Variants in FXYD4 observed in about 807,000 individuals in gnomAD.
FXYD4 encodes FXYD domain-containing ion transport regulator 4.
FXYD4 carries 14 observed loss-of-function variants against 18.3 expected under a neutral mutation model. The observed-to-expected ratio is 0.77, with a 90% CI of 0.51 to 1.20. The LOEUF is 1.20. Among genes scored for constraint, FXYD4 ranks in the 50% most tolerant of loss-of-function variants. FXYD4 has a pLI of 0.00. For synonymous variants in FXYD4, 40 were observed against 40.5 expected, an observed-to-expected ratio of 0.99 and a Z score of 0.04; for missense variants, 99 against 106.1, an observed-to-expected ratio of 0.93 and a Z score of 0.29.
intron 5 of FXYD4, among the ~76,000 whole-genome samples, chr10:43,374,858 C>G (rs1014242364): frequency 6.6e-6 from 1 of 151,602 alleles, no homozygotes; most frequent in African/African-American, 2.4e-5. Flanking sequence ...TTAGGCACCC[C>G]GATAAATCAC....
rs763496194 is a variant in FXYD4, at chr10:43,375,716, G to A, written c.194G>A (p.Ser65Asn). Residue 65 changes from serine to asparagine, a missense_variant, in exon 7 of 9, where the codon AGC becomes AAC. Coordinates refer to ENST00000476166, the MANE Select transcript of FXYD4 (RefSeq NM_173160.3). ...CCAGGTGGCAAATGCAAATGCAAGA[G>A]CAGCCAGAAGCAGCACAGGTGAGCC... is the stretch of plus-strand genomic sequence containing the variant. ...AVLSGKCKCK[S>N]SQKQHSPVPE... is the part of the protein sequence containing the mutation. The A allele has an allele frequency of 3.3e-5, 54 of 1,614,054 alleles. No individual in the cohort carries two copies. The highest frequency in any genetic ancestry group is 4.4e-5 in the Non-Finnish European group (52 of 1,180,004).
chr10:43,376,234 G>T lies in FXYD4; in HGVS notation c.*68G>T. On this transcript the variant is annotated 3_prime_UTR_variant, in exon 9 of 9. Coordinates refer to ENST00000476166, the MANE Select transcript of FXYD4 (RefSeq NM_173160.3). ...GCCCCCAGCACCTCCTCCCCTGGGA[G>T]GCCTTATCCTCAAGGAAGGACTTCT... 1.9e-6 allele frequency: 3 copies of T among 1,562,356 alleles called. No homozygotes were observed. The highest frequency in any genetic ancestry group is 2.2e-5 in the South Asian group (2 of 89,950).
At chr10:43,375,152 G>A (rs1280634633) in intron 5 of FXYD4, among the ~76,000 whole-genome samples, 2 of 150,040 alleles carry the variant, frequency 1.3e-5, no homozygotes, top group Non-Finnish European at 3.0e-5. Context: ...TCAGCCTCTC[G>A]AGTAGCTGGG....
intron 5 of FXYD4, among the ~76,000 whole-genome samples, 190 bp from the exon 6 acceptor site, chr10:43,375,309 G>C (rs1347651141): frequency 6.6e-6 from 1 of 152,018 alleles, no homozygotes; most frequent in East Asian, 1.9e-4. Context: ...TTACAGATGT[G>C]AGCCACCGCA....
In FXYD4 at chr10:43,375,634, G is replaced by C. The variant is rs1837861549; in HGVS notation, c.172+61G>C. The C allele has an allele frequency of 6.8e-6, 11 of 1,609,486 alleles. No individual in the cohort carries two copies. In the East Asian group the frequency reaches 2.5e-4, roughly 36 times the overall value. Reference sequence around the variant, plus strand: ...TGGGGCTGGCGGACAGGGTGGGGCAGAAAGAGAGAGTGCTCTCATTCCAGC... The same window carrying C: ...TGGGGCTGGCGGACAGGGTGGGGCACAAAGAGAGAGTGCTCTCATTCCAGC... On this transcript the variant is annotated intron_variant, in intron 6 of 8. Transcript: ENST00000476166.
chr10:43,375,365 G>A (rs1217016452), intron 5 of FXYD4, 134 bp from the exon 6 acceptor site: 1 of 688,806 alleles, frequency 1.5e-6, no homozygotes, highest in Admixed American at 2.4e-5. Context: ...ACGAGACGCA[G>A]AATGATGCCT....
chr10:43,375,949 G>T, intron 7 of FXYD4, 83 bp from the exon 8 acceptor site: 1 of 1,459,410 alleles, frequency 6.9e-7, no homozygotes, highest in Non-Finnish European at 9.6e-7. Context: ...GCACTCCTGG[G>T]GCCGGGCAGC....
In FXYD4 at chr10:43,376,239, T is replaced by C; in HGVS notation, c.*73T>C. 1.3e-6 allele frequency: 2 copies of C among 1,536,150 alleles called. No individual in the cohort carries two copies. The highest frequency in any genetic ancestry group is 9.0e-7 in the Non-Finnish European group (1 of 1,111,986). On this transcript the variant is annotated 3_prime_UTR_variant, in exon 9 of 9. Transcript: ENST00000476166. ...CAGCACCTCCTCCCCTGGGAGGCCT[T>C]ATCCTCAAGGAAGGACTTCTCTCCA...
rs1461693292 is a variant in FXYD4, at chr10:43,373,668, G to A, written c.-79G>A. 2 of 852,174 alleles carry A rather than the reference G, an allele frequency of 2.3e-6. No individual in the cohort carries two copies. Among genetic ancestry groups the A allele is most frequent in the South Asian group, 2.6e-5 (2 of 76,028 alleles). The allele number at this position is 852,174 out of a possible 1,614,324, so 52.8% of individuals were successfully genotyped here. On this transcript the variant is annotated 5_prime_UTR_variant, in exon 3 of 9. Transcript: ENST00000476166. ...TCCTCTCGCTGACCAATTGAGCTGT[G>A]AGCCTGGAGCAGATCCGTGGGCTGC...
In FXYD4 at chr10:43,376,143, G is replaced by A. The variant is rs746400372; in HGVS notation, c.251-4G>A. 9 of 1,613,904 alleles carry A rather than the reference G, an allele frequency of 5.6e-6. No homozygotes were observed. Among genetic ancestry groups the A allele is most frequent in the Middle Eastern group, 1.7e-4 (1 of 5,954 alleles). ...TCTGATGGCCTGCCCGCCACTCTCC[G>A]CAGGCTCTGCCACTACTTGCTGAGC... is the stretch of plus-strand genomic sequence containing the variant. On this transcript the variant is annotated splice_polypyrimidine_tract_variant and splice_region_variant and intron_variant, in intron 8 of 8. Coordinates refer to ENST00000476166, the MANE Select transcript of FXYD4 (RefSeq NM_173160.3).
chr10:43,373,082 A>T (rs1272854035), intron 2 of FXYD4, among the ~76,000 whole-genome samples: 1 of 151,940 alleles, frequency 6.6e-6, no homozygotes, highest in Non-Finnish European at 1.5e-5. Flanking sequence ...CTGGCAGGGG[A>T]GGTCCTGGCT....
chr10:43,375,767 G>A lies in FXYD4; in HGVS notation c.212+33G>A, dbSNP rs777048760. ...TGACCCTATGGTGCCCTCCTCCTTC[G>A]GGGCAGAACTACGGGGGGACAGTCC... On this transcript the variant is annotated intron_variant, in intron 7 of 8. Coordinates refer to ENST00000476166, the MANE Select transcript of FXYD4 (RefSeq NM_173160.3). The A allele has an allele frequency of 7.5e-6, 12 of 1,608,134 alleles. No individual in the cohort carries two copies. In the Admixed American group the frequency reaches 1.0e-4, roughly 13 times the overall value.
In FXYD4 at chr10:43,375,671, C is replaced by T. The variant is rs756968887; in HGVS notation, c.173-24C>T. 40 of 1,613,590 alleles carry T rather than the reference C, an allele frequency of 2.5e-5. No individual in the cohort carries two copies. The East Asian group carries it at 4.7e-4, about 19-fold the overall frequency. ...GCTCTCATTCCAGCACTGACCCTGG[C>T]GCTGACCCCTCTCTCTCTCCCAGGT... On this transcript the variant is annotated intron_variant, in intron 6 of 8. Transcript: ENST00000476166.
intron 2 of FXYD4, among the ~76,000 whole-genome samples, chr10:43,373,251 T>A (rs547305249): frequency 7.2e-5 from 11 of 151,974 alleles, no homozygotes; most frequent in Non-Finnish European, 1.2e-4. Context: ...AACAATGCCC[T>A]TTGTGTGGGG....
chr10:43,372,059 TAGTA>T (rs1837814406), intron 1 of FXYD4, among the ~76,000 whole-genome samples: 1 of 138,198 alleles, frequency 7.2e-6, no homozygotes, highest in Admixed American at 7.3e-5. Context: ...AAAAAAAAAA[TAGTA>T]ATAATAATAA....
chr10:43,376,226 C>G lies in FXYD4; in HGVS notation c.*60C>G, dbSNP rs753665504. On this transcript the variant is annotated 3_prime_UTR_variant, in exon 9 of 9. Transcript: ENST00000476166. Reference sequence around the variant, plus strand: ...TAACACTGGCCCCCAGCACCTCCTCCCCTGGGAGGCCTTATCCTCAAGGAA... The same window carrying G: ...TAACACTGGCCCCCAGCACCTCCTCGCCTGGGAGGCCTTATCCTCAAGGAA... 132 of 1,578,790 alleles carry G rather than the reference C, an allele frequency of 8.4e-5. No individual in the cohort carries two copies. The Middle Eastern group carries it at 8.7e-4, about 10-fold the overall frequency.
intron 7 of FXYD4, 136 bp from the exon 8 acceptor site, chr10:43,375,896 C>A: frequency 8.2e-7 from 1 of 1,221,868 alleles, no homozygotes; most frequent in Non-Finnish European, 1.2e-6. Flanking sequence ...AAGCTCTGAC[C>A]TCGGTATTGT....
intron 5 of FXYD4, 64 bp downstream of exon 5, chr10:43,374,703 G>A: frequency 7.7e-7 from 1 of 1,305,372 alleles, no homozygotes; most frequent in African/African-American, 1.4e-5. Flanking sequence ...TGCTAGACAA[G>A]TTGGTGAGGG....
chr10:43,373,088 T>G (rs1325149552), intron 2 of FXYD4, among the ~76,000 whole-genome samples: 1 of 152,082 alleles, frequency 6.6e-6, no homozygotes, highest in Non-Finnish European at 1.5e-5. Context: ...GGGGAGGTCC[T>G]GGCTGCTGCA....
Sources: allele counts gnomAD v4.1 joint callset (sites outside exome capture counted in the v4.1 genomes callset), GRCh38; gene constraint gnomAD v4.1.1; transcripts MANE v1.5; gene names NCBI Gene and HGNC (gene_info 2026-07-23, HGNC 2026-07-21).